RARB: variants seen among roughly 807,000 people sequenced by gnomAD.
The protein encoded by RARB is retinoic acid receptor beta.
Under a neutral mutation model 51.9 loss-of-function variants are expected in RARB, and 17 were observed. The ratio of observed to expected loss-of-function variants is 0.33; its 90% CI spans 0.22 to 0.49. The LOEUF is 0.49. Ranked by LOEUF, RARB falls within the 20% of genes least tolerant of loss-of-function variation. The pLI, the probability that RARB is intolerant of heterozygous loss-of-function variation, is 0.99. For synonymous variants in RARB, 215 were observed against 195.4 expected (o/e 1.10, Z -0.84); for missense variants, 369 against 550.8 (o/e 0.67, Z 3.30).
intron 1 of RARB, among the ~76,000 whole-genome samples, chr3:25,434,402 T>C (rs1708335782): frequency 6.6e-6 from 1 of 152,208 alleles, no homozygotes; most frequent in Non-Finnish European, 1.5e-5. Context: ...AACAATTCAC[T>C]GCTGATGTCT....
intron 1 of RARB, among the ~76,000 whole-genome samples, chr3:24,853,150 TAA>T (rs779808875): frequency 1.4e-4 from 18 of 129,002 alleles, no homozygotes; most frequent in Non-Finnish European, 1.4e-4. Flanking sequence ...CTGTCTTTAC[TAA>T]AAAAAAAAAA....
chr3:25,364,898 A>C (rs188298541), intron 5 of RARB, among the ~76,000 whole-genome samples: 1 of 152,196 alleles, frequency 6.6e-6, no homozygotes, highest in East Asian at 1.9e-4. Flanking sequence ...CATTTTTGAC[A>C]ATTAAAATGC....
intron 5 of RARB, among the ~76,000 whole-genome samples, chr3:25,265,726 C>T (rs1332294728): frequency 1.3e-5 from 2 of 152,160 alleles, no homozygotes; most frequent in Non-Finnish European, 2.9e-5. Context: ...CACGCCTCCG[C>T]CTCCCAAAGT....
In RARB at chr3:25,025,849, G is replaced by A. The variant is rs973982536; in HGVS notation, c.-379-34276G>A. On this transcript the variant is annotated intron_variant, in intron 2 of 11. Coordinates refer to the RARB transcript ENST00000383772. ...CCCATTAAGTGTCAGTTTGCAAAAC[G>A]CATTATAAGGATAAGAAATCTGTAG... Among the ~76,000 whole-genome samples, 4 of 152,154 alleles carry A rather than the reference G, an allele frequency of 2.6e-5. No homozygotes were observed. In the East Asian group the frequency reaches 5.8e-4, roughly 22 times the overall value.
intron 5 of RARB, among the ~76,000 whole-genome samples, chr3:25,221,800 G>T (rs780403607): frequency 6.6e-6 from 1 of 152,160 alleles, no homozygotes; most frequent in African/African-American, 2.4e-5. Flanking sequence ...TGTGTTTTTA[G>T]CTTAGAAACT....
At chr3:25,130,140 C>T (rs1356036499) in intron 3 of RARB, among the ~76,000 whole-genome samples, 1 of 152,028 alleles carries the variant, frequency 6.6e-6, no homozygotes, top group Non-Finnish European at 1.5e-5. Context: ...TGACAGGCCT[C>T]TTTTATGTAT....
chr3:25,197,151 G>T (rs1199688249), intron 5 of RARB, among the ~76,000 whole-genome samples: 3 of 152,108 alleles, frequency 2.0e-5, no homozygotes, highest in Non-Finnish European at 4.4e-5. Flanking sequence ...CCATGCCTAT[G>T]TCCTGAATGG....
chr3:25,518,703 A>G (rs1653527342), intron 3 of RARB, among the ~76,000 whole-genome samples: 1 of 152,090 alleles, frequency 6.6e-6, no homozygotes, highest in Non-Finnish European at 1.5e-5. Flanking sequence ...TCCTTCAAAT[A>G]ATGCATTTAT....
chr3:24,861,905 A>G (rs1211098851), intron 2 of RARB, among the ~76,000 whole-genome samples: 1 of 152,236 alleles, frequency 6.6e-6, no homozygotes, highest in Admixed American at 6.5e-5. Context: ...TTTAAGAACC[A>G]CTGGTAGGGC....
At chr3:25,572,108 C>T (rs1317107473) in intron 4 of RARB, among the ~76,000 whole-genome samples, 1 of 152,120 alleles carries the variant, frequency 6.6e-6, no homozygotes, top group Non-Finnish European at 1.5e-5. Flanking sequence ...GGAACTCAGG[C>T]TGGCACAGTG....
At chr3:24,871,123 G>A (rs1702939085) in intron 2 of RARB, among the ~76,000 whole-genome samples, 1 of 151,970 alleles carries the variant, frequency 6.6e-6, no homozygotes, top group Non-Finnish European at 1.5e-5. Flanking sequence ...TAGAACTTAT[G>A]TTGATGACCA....
At chr3:25,321,279 C>T (rs1209711460) in intron 5 of RARB, among the ~76,000 whole-genome samples, 1 of 152,180 alleles carries the variant, frequency 6.6e-6, no homozygotes, top group African/African-American at 2.4e-5. Flanking sequence ...AAACCATGAT[C>T]ATTTACCTGG....
At chr3:24,912,625 A>C (rs1255114413) in intron 2 of RARB, among the ~76,000 whole-genome samples, 1 of 152,158 alleles carries the variant, frequency 6.6e-6, no homozygotes, top group Non-Finnish European at 1.5e-5. Flanking sequence ...GGCACAGGGC[A>C]ATGAACTCCC....
chr3:25,110,341 T>C (rs182844880), intron 3 of RARB, among the ~76,000 whole-genome samples: 58 of 152,342 alleles, frequency 3.8e-4, no homozygotes, highest in African/African-American at 1.3e-3. Flanking sequence ...TGTTATCTCA[T>C]TTAAGCCTTG....
intron 5 of RARB, among the ~76,000 whole-genome samples, chr3:25,416,617 G>A (rs766042591): frequency 6.6e-6 from 1 of 152,148 alleles, no homozygotes; most frequent in Non-Finnish European, 1.5e-5. Flanking sequence ...TTGCCACTAC[G>A]ATCACGCAGC....
intron 5 of RARB, among the ~76,000 whole-genome samples, chr3:25,307,214 C>T (rs571284774): frequency 4.9e-4 from 74 of 151,982 alleles, no homozygotes; most frequent in Non-Finnish European, 8.8e-4. Context: ...TGTGAAACCC[C>T]GTCTCTACTA....
At chr3:25,295,317 A>G (rs1703890785) in intron 5 of RARB, among the ~76,000 whole-genome samples, 1 of 152,170 alleles carries the variant, frequency 6.6e-6, no homozygotes, top group African/African-American at 2.4e-5. Flanking sequence ...GCCTTCATCA[A>G]TGGCATTAGT....
chr3:25,181,943 C>T (rs1559495501), intron 5 of RARB, among the ~76,000 whole-genome samples: 1 of 152,156 alleles, frequency 6.6e-6, no homozygotes, highest in Non-Finnish European at 1.5e-5. Context: ...CATAGAGGGG[C>T]AAGCATCTTA....
At chr3:25,504,762 A>G (rs1168842915) in intron 3 of RARB, among the ~76,000 whole-genome samples, 1 of 142,842 alleles carries the variant, frequency 7.0e-6, no homozygotes, top group Non-Finnish European at 1.5e-5. Flanking sequence ...CAAGTATTAC[A>G]TTAACCACTT....
Sources: allele counts gnomAD v4.1 joint callset (sites outside exome capture counted in the v4.1 genomes callset), GRCh38; gene constraint gnomAD v4.1.1; transcripts MANE v1.5; gene names NCBI Gene and HGNC (gene_info 2026-07-23, HGNC 2026-07-21).